The following TENT5D variants were observed in gnomAD, a reference collection of about 807,000 sequenced individuals.
The protein encoded by TENT5D is terminal nucleotidyltransferase 5D, also known as cancer/testis antigen 112.
For synonymous variants in TENT5D, 103 were observed against 100.6 expected (o/e 1.02, Z -0.15); for missense variants, 191 against 287.0 (o/e 0.67, Z 2.42).
intron 3 of TENT5D, among the ~76,000 whole-genome samples, chrX:80,348,811 C>G (rs914753722): frequency 1.8e-5 from 2 of 111,489 alleles, no homozygotes; most frequent in African/African-American, 6.5e-5. Flanking sequence ...AGAAATAGCT[C>G]TTATTATTTT....
intron 3 of TENT5D, among the ~76,000 whole-genome samples, chrX:80,370,424 T>G (rs761894328): frequency 4.5e-5 from 5 of 112,205 alleles, no homozygotes; most frequent in African/African-American, 1.6e-4. Flanking sequence ...AGAAAAAGTC[T>G]TTAAAAATCA....
intron 3 of TENT5D, among the ~76,000 whole-genome samples, chrX:80,392,176 C>A (rs184046103): frequency 9.0e-6 from 1 of 111,676 alleles, no homozygotes; most frequent in Admixed American, 9.5e-5. Flanking sequence ...ATCCCTAACG[C>A]TTGGTAAGAG....
chrX:80,366,588 A>T (rs1372045336), intron 3 of TENT5D, among the ~76,000 whole-genome samples: 1 of 111,418 alleles, frequency 9.0e-6, no homozygotes, highest in Admixed American at 9.7e-5. Context: ...TTAAAAGAAA[A>T]AGTCATATAT....
At position 80,346,280 on chromosome X, in the gene TENT5D, G is replaced by C. The variant is rs1422712566; in HGVS notation, c.-142+3716G>C. 1.3e-4 allele frequency among the ~76,000 whole-genome samples: 15 copies of C among 112,263 alleles called. 1 individual carries two copies. Among genetic ancestry groups the C allele is most frequent in the Admixed American group, 1.3e-3 (14 of 10,564 alleles). On this transcript the variant is annotated intron_variant, in intron 3 of 4. Coordinates refer to the TENT5D transcript ENST00000538312. ...TTGTTTGTCCATACACCTGCTGAAA[G>C]ATATTTCGGTTATTCCCAAATATCT...
chrX:80,429,122 C>G (rs1932036978), intron 1 of TENT5D, among the ~76,000 whole-genome samples: 1 of 111,133 alleles, frequency 9.0e-6, no homozygotes, highest in African/African-American at 3.3e-5. Flanking sequence ...GTGAGACAGG[C>G]CCTGGACCTG....
At chrX:80,393,279 C>T (rs1236749952) in intron 3 of TENT5D, among the ~76,000 whole-genome samples, 1 of 110,585 alleles carries the variant, frequency 9.0e-6, no homozygotes, top group Non-Finnish European at 1.9e-5. Flanking sequence ...TCTGGGATTC[C>T]AATCACATTC....
At chrX:80,389,665 G>A (rs1931089180) in intron 3 of TENT5D, among the ~76,000 whole-genome samples, 1 of 112,371 alleles carries the variant, frequency 8.9e-6, no homozygotes, top group South Asian at 3.7e-4. Context: ...TTTAGAAGAC[G>A]AGATTGACCA....
chrX:80,393,506 A>C (rs931233252), intron 3 of TENT5D, among the ~76,000 whole-genome samples: 5 of 111,525 alleles, frequency 4.5e-5, no homozygotes, highest in African/African-American at 1.6e-4. Flanking sequence ...GGGATGATTA[A>C]ACCAAGTGAA....
At chrX:80,388,176 G>T (rs1013293968) in intron 3 of TENT5D, among the ~76,000 whole-genome samples, 5 of 110,790 alleles carry the variant, frequency 4.5e-5, no homozygotes, top group African/African-American at 6.6e-5. Flanking sequence ...CTGTCCAAGC[G>T]CCAAGGCCTA....
intron 3 of TENT5D, among the ~76,000 whole-genome samples, chrX:80,404,540 C>G (rs1409306190): frequency 8.9e-6 from 1 of 111,883 alleles, no homozygotes; most frequent in African/African-American, 3.3e-5. Context: ...TCTATAGAAA[C>G]TGAACTAATT....
At chrX:80,380,911 C>G (rs928802429) in intron 3 of TENT5D, among the ~76,000 whole-genome samples, 11 of 111,479 alleles carry the variant, frequency 9.9e-5, no homozygotes, top group African/African-American at 2.9e-4. Flanking sequence ...AATCTTTATC[C>G]AATTTTTCAG....
Position 80,379,643 on chromosome X carries a change from A to T in TENT5D, c.-142+37079A>T, listed in dbSNP as rs777384595. Among the ~76,000 whole-genome samples, 3 of 110,993 alleles carry T rather than the reference A, an allele frequency of 2.7e-5. No homozygotes were observed. The South Asian group carries it at 1.1e-3, about 42-fold the overall frequency. On this transcript the variant is annotated intron_variant, in intron 3 of 4. Transcript: ENST00000538312. ...TATTGCCTCAGTTTCAGAGCCTGTTATTGGTCTATTCAGGGATTCAACATC... is the reference window on the plus strand; with the variant it reads ...TATTGCCTCAGTTTCAGAGCCTGTTTTTGGTCTATTCAGGGATTCAACATC...
chrX:80,349,594 AAAAC>A (rs1245901149), intron 3 of TENT5D, among the ~76,000 whole-genome samples: 1 of 111,011 alleles, frequency 9.0e-6, no homozygotes, highest in Non-Finnish European at 1.9e-5. Context: ...CTTTTAAAAA[AAAAC>A]AAGCTCCTGG....
intron 3 of TENT5D, among the ~76,000 whole-genome samples, chrX:80,346,713 A>G (rs892064935): frequency 1.8e-5 from 2 of 110,777 alleles, no homozygotes; most frequent in Non-Finnish European, 3.8e-5. Flanking sequence ...CTGAATGTAC[A>G]GGTTTGTTAT....
intron 3 of TENT5D, among the ~76,000 whole-genome samples, chrX:80,391,420 TCTG>T (rs1279638157): frequency 8.9e-6 from 1 of 112,324 alleles, no homozygotes; most frequent in African/African-American, 3.2e-5. Flanking sequence ...TAAATAATAT[TCTG>T]CTACTTTTTA....
chrX:80,348,214 G>A (rs946195887), intron 3 of TENT5D, among the ~76,000 whole-genome samples: 6 of 111,899 alleles, frequency 5.4e-5, no homozygotes, highest in Non-Finnish European at 9.4e-5. Context: ...AAAGTCAATC[G>A]TAGCTTGATG....
chrX:80,377,207 G>C (rs940448529), intron 3 of TENT5D, among the ~76,000 whole-genome samples: 1 of 111,369 alleles, frequency 9.0e-6, no homozygotes, highest in Non-Finnish European at 1.9e-5. Context: ...TGCTAGATTA[G>C]TGATAATCAT....
intron 3 of TENT5D, among the ~76,000 whole-genome samples, chrX:80,407,090 C>T (rs1452042890): frequency 9.2e-6 from 1 of 108,919 alleles, no homozygotes; most frequent in Non-Finnish European, 1.9e-5. Context: ...TAAAAGAGCT[C>T]TTGAAGGAAG....
At chrX:80,406,044 C>A (rs1208147466) in intron 3 of TENT5D, among the ~76,000 whole-genome samples, 2 of 108,653 alleles carry the variant, frequency 1.8e-5, no homozygotes, top group East Asian at 2.9e-4. Context: ...AGGGTCCTGT[C>A]TGTTAGAAGG....
Sources: gnomAD v4.1 joint callset for allele counts (sites outside exome capture counted in the v4.1 genomes callset) on GRCh38, gnomAD v4.1.1 for gene constraint, MANE v1.5 for transcripts, NCBI Gene and HGNC (gene_info 2026-07-23, HGNC 2026-07-21) for gene names.